Variants in GALNTL6 observed in about 807,000 individuals in gnomAD.
GALNTL6 encodes the protein polypeptide N-acetylgalactosaminyltransferase like 6.
A neutral mutation model predicts 73.7 loss-of-function variants in GALNTL6; 46 were observed. That is an observed-to-expected ratio of 0.62 (90% confidence interval 0.49 to 0.80). The LOEUF is 0.80. Ranked by LOEUF, GALNTL6 falls within the 30% of genes least tolerant of loss-of-function variation. The pLI is 0.00. For synonymous variants in GALNTL6, 259 were observed against 263.7 expected, an observed-to-expected ratio of 0.98 and a Z score of 0.17; for missense variants, 604 against 755.0, an observed-to-expected ratio of 0.80 and a Z score of 2.34.
At chr4:172,995,879 G>A (rs2126465637) in intron 10 of GALNTL6, among the ~76,000 whole-genome samples, 1 of 152,288 alleles carries the variant, frequency 6.6e-6, no homozygotes, top group Non-Finnish European at 1.5e-5. Flanking sequence ...CCCTTGGTCA[G>A]CCAAGCTGGC....
chr4:172,726,039 T>G (rs1436923253), intron 5 of GALNTL6, among the ~76,000 whole-genome samples: 1 of 152,196 alleles, frequency 6.6e-6, no homozygotes, highest in Non-Finnish European at 1.5e-5. Flanking sequence ...GCGGGGAGTC[T>G]GTTCCTTCAG....
chr4:171,832,951 G>T (rs1735017680), intron 2 of GALNTL6, among the ~76,000 whole-genome samples: 2 of 151,754 alleles, frequency 1.3e-5, no homozygotes, highest in East Asian at 1.9e-4. Context: ...CATCCTGGAA[G>T]TCAGAGATTT....
chr4:172,167,225 A>T (rs769341767), intron 2 of GALNTL6, among the ~76,000 whole-genome samples: 3 of 152,210 alleles, frequency 2.0e-5, no homozygotes, highest in Non-Finnish European at 4.4e-5. Context: ...TTCTTAGTTG[A>T]TTCTATATGC....
chr4:172,069,500 G>T lies in GALNTL6; in HGVS notation c.139-160156G>T, dbSNP rs1438016643. 5.0e-4 allele frequency among the ~76,000 whole-genome samples: 10 copies of T among 19,816 alleles called. 4 individuals carry two copies. In the South Asian group the frequency reaches 0.02, roughly 39 times the overall value. The allele number at this position is 19,816 out of a possible 152,430, so 13.0% of individuals were successfully genotyped here. ...GTTATATATAACACATATGTTATAT[G>T]TATAACACATATATGTTATATGTAT... On this transcript the variant is annotated intron_variant, in intron 2 of 12. Transcript: ENST00000506823.
intron 5 of GALNTL6, among the ~76,000 whole-genome samples, chr4:172,523,734 T>A (rs1413880383): frequency 2.0e-5 from 3 of 152,144 alleles, no homozygotes; most frequent in Non-Finnish European, 2.9e-5. Flanking sequence ...ATTGAAGCCT[T>A]CTGTAAACTC....
Position 172,659,910 on chromosome 4 carries a change from T to G in GALNTL6, c.554-149451T>G, listed in dbSNP as rs536466042. Among the ~76,000 whole-genome samples the G allele has an allele frequency of 6.0e-4, 92 of 152,266 alleles. 1 individual carries two copies. In the South Asian group the frequency reaches 0.016, roughly 26 times the overall value. ...CTGAAGATCAACCCCCACAATTGTA[T>G]AATCCAGTTTCTTACAACACATCTC... On this transcript the variant is annotated intron_variant, in intron 5 of 12. Coordinates refer to ENST00000506823, the MANE Select transcript of GALNTL6 (RefSeq NM_001034845.3).
At chr4:172,674,636 A>G (rs1353863527) in intron 5 of GALNTL6, among the ~76,000 whole-genome samples, 1 of 151,968 alleles carries the variant, frequency 6.6e-6, no homozygotes, top group African/African-American at 2.4e-5. Context: ...CCATAATCCT[A>G]TGTTTCTTGG....
chr4:172,818,335 T>C (rs1741724628), intron 7 of GALNTL6, among the ~76,000 whole-genome samples: 1 of 152,180 alleles, frequency 6.6e-6, no homozygotes, highest in African/African-American at 2.4e-5. Flanking sequence ...ATTTTGCAAG[T>C]TGATTATATT....
rs542112988 is a variant in GALNTL6, at chr4:172,472,638, G to C, written c.553+123949G>C. Among the ~76,000 whole-genome samples, 5 of 152,126 alleles carry C rather than the reference G, an allele frequency of 3.3e-5. No individual in the cohort carries two copies. In the East Asian group the frequency reaches 9.7e-4, roughly 29 times the overall value. ...ATTCCCATATAAGGCCCATTTAAAA[G>C]GTAAATTTGGACACAGGAAGGAAGA... On this transcript the variant is annotated intron_variant, in intron 5 of 12. Transcript: ENST00000506823.
intron 8 of GALNTL6, among the ~76,000 whole-genome samples, chr4:172,887,542 T>TTATG (rs1745788772): frequency 7.5e-6 from 1 of 132,664 alleles, no homozygotes; most frequent in African/African-American, 3.1e-5. Context: ...AACCTTTTAT[T>TTATG]TATTTATTTA....
chr4:172,176,225 A>G (rs1734990196), intron 2 of GALNTL6, among the ~76,000 whole-genome samples: 1 of 151,476 alleles, frequency 6.6e-6, no homozygotes, highest in Non-Finnish European at 1.5e-5. Context: ...CTGTAGTCCC[A>G]GCTACTCAAA....
At chr4:172,514,262 T>C (rs542256074) in intron 5 of GALNTL6, among the ~76,000 whole-genome samples, 15 of 152,292 alleles carry the variant, frequency 9.8e-5, no homozygotes, top group Admixed American at 3.9e-4. Flanking sequence ...CAGACTCTCC[T>C]TGGGCAGGGC....
intron 2 of GALNTL6, among the ~76,000 whole-genome samples, chr4:171,982,360 C>T (rs796768837): frequency 2.0e-5 from 3 of 152,182 alleles, no homozygotes; most frequent in East Asian, 3.9e-4. Context: ...TGCAGTGGCG[C>T]GATCTCGGCC....
intron 2 of GALNTL6, among the ~76,000 whole-genome samples, chr4:172,147,991 G>A (rs1209603202): frequency 6.6e-6 from 1 of 152,008 alleles, no homozygotes; most frequent in Non-Finnish European, 1.5e-5. Context: ...GTATTTATTT[G>A]TATGTCTGTA....
chr4:172,252,303 G>A (rs982999901), intron 3 of GALNTL6, among the ~76,000 whole-genome samples: 2 of 152,058 alleles, frequency 1.3e-5, no homozygotes, highest in East Asian at 3.9e-4. Flanking sequence ...AATAAATTAT[G>A]TGTAAAGGAA....
intron 2 of GALNTL6, among the ~76,000 whole-genome samples, chr4:172,178,667 T>A (rs1579219647): frequency 1.5e-5 from 2 of 132,200 alleles, no homozygotes; most frequent in Non-Finnish European, 3.3e-5. Flanking sequence ...TTTTTTTTTT[T>A]ATTATACTTT....
chr4:172,158,859 A>G (rs1206529689), intron 2 of GALNTL6, among the ~76,000 whole-genome samples: 2 of 152,198 alleles, frequency 1.3e-5, no homozygotes, highest in Non-Finnish European at 2.9e-5. Flanking sequence ...TTAGCTTTAT[A>G]TGCTATTAAA....
chr4:172,587,166 G>C (rs1207342253), intron 5 of GALNTL6, among the ~76,000 whole-genome samples: 1 of 152,152 alleles, frequency 6.6e-6, no homozygotes, highest in Non-Finnish European at 1.5e-5. Context: ...CTGTTCACCT[G>C]TTCTGGTTAG....
intron 3 of GALNTL6, among the ~76,000 whole-genome samples, chr4:172,243,518 A>C (rs192083059): frequency 2.6e-4 from 40 of 152,172 alleles, no homozygotes; most frequent in Middle Eastern, 3.4e-3. Flanking sequence ...GAATAACGGC[A>C]CTCCTACATT....
Sources: gnomAD v4.1 joint callset for allele counts (sites outside exome capture counted in the v4.1 genomes callset) on GRCh38, gnomAD v4.1.1 for gene constraint, MANE v1.5 for transcripts, NCBI Gene and HGNC (gene_info 2026-07-23, HGNC 2026-07-21) for gene names.